Variants in RFX3 observed in about 807,000 individuals in gnomAD.
The protein encoded by RFX3 is regulatory factor X3.
A neutral mutation model predicts 98.6 loss-of-function variants in RFX3; 14 were observed. That is an observed-to-expected ratio of 0.14 (90% CI 0.09 to 0.22). The LOEUF (loss-of-function observed/expected upper bound fraction) is 0.22, where lower values mean the gene tolerates loss of function less well. Ranked by LOEUF, RFX3 falls within the 10% of genes least tolerant of loss-of-function variation. RFX3 has a pLI of 1.00. For missense variants in RFX3, 639 were observed against 926.9 expected (o/e 0.69, Z 4.03); for synonymous variants, 383 against 328.4 (o/e 1.17, Z -1.80).
chr9:3,377,837 A>T (rs1324002219), intron 2 of RFX3, among the ~76,000 whole-genome samples: 1 of 152,172 alleles, frequency 6.6e-6, no homozygotes, highest in Non-Finnish European at 1.5e-5. Flanking sequence ...AGTACACTTA[A>T]ATAGGTGGAT....
intron 8 of RFX3, among the ~76,000 whole-genome samples, chr9:3,276,849 C>A (rs1292639065): frequency 6.6e-6 from 1 of 151,982 alleles, no homozygotes; most frequent in South Asian, 2.1e-4. Flanking sequence ...CTTCCTAACT[C>A]TTTCAATAAC....
intron 2 of RFX3, among the ~76,000 whole-genome samples, chr9:3,380,600 C>G (rs1332049582): frequency 2.6e-5 from 4 of 152,140 alleles, no homozygotes; most frequent in East Asian, 1.9e-4. Flanking sequence ...CTCATTAGAT[C>G]AAATTCAAGT....
chr9:3,399,676 G>A (rs1841282204), intron 1 of RFX3, among the ~76,000 whole-genome samples: 1 of 151,976 alleles, frequency 6.6e-6, no homozygotes, highest in Non-Finnish European at 1.5e-5. Context: ...AGGGGGCCGG[G>A]GGCAGTGGCT....
chr9:3,421,279 A>G (rs951633233), intron 1 of RFX3, among the ~76,000 whole-genome samples: 2 of 152,218 alleles, frequency 1.3e-5, no homozygotes, highest in Non-Finnish European at 2.9e-5. Flanking sequence ...GGTCAAAACC[A>G]AGTGGAGAAA....
rs1817564360 is a variant in RFX3, at chr9:3,224,548, TATGGTTCTGTCCA to T, written c.*481_*493del. 1 of 158,450 alleles carries T rather than the reference TATGGTTCTGTCCA, an allele frequency of 6.3e-6. No homozygotes were observed. Among genetic ancestry groups the T allele is most frequent in the Admixed American group, 6.0e-5 (1 of 16,580 alleles). 9.8% of individuals were successfully genotyped at this position (158,450 alleles called of 1,614,324 possible). A position where few individuals can be genotyped will look rare whatever the true frequency, so the allele number is the denominator to read the frequency against. On this transcript the variant is annotated 3_prime_UTR_variant, in exon 17 of 17. Coordinates refer to ENST00000617270, the MANE Select transcript of RFX3 (RefSeq NM_001282116.2). ...TCAAAATGTTATCAAAATAGTGTCT[TATGGTTCTGTCCA>T]ATGAAAAGCACCTTTCAAAAGCAAA...
intron 1 of RFX3, among the ~76,000 whole-genome samples, chr9:3,425,092 G>A (rs1843882211): frequency 6.6e-6 from 1 of 152,086 alleles, no homozygotes; most frequent in South Asian, 2.1e-4. Context: ...TTAAAACTTA[G>A]CCAGGCATGG....
chr9:3,294,030 A>C (rs1223404410), intron 5 of RFX3, among the ~76,000 whole-genome samples: 1 of 152,206 alleles, frequency 6.6e-6, no homozygotes, highest in Admixed American at 6.5e-5. Flanking sequence ...GTTTTATGTT[A>C]TCCTGTGTAC....
chr9:3,456,929 A>T (rs894642684), intron 1 of RFX3, among the ~76,000 whole-genome samples: 9 of 151,972 alleles, frequency 5.9e-5, no homozygotes, highest in African/African-American at 2.2e-4. Context: ...CGGGTGGATC[A>T]TGAGGTCAAG....
intron 1 of RFX3, among the ~76,000 whole-genome samples, chr9:3,476,913 C>T (rs889202790): frequency 6.6e-6 from 1 of 152,114 alleles, no homozygotes; most frequent in Non-Finnish European, 1.5e-5. Flanking sequence ...ACTTAAATGA[C>T]CTTGGGCAAG....
chr9:3,223,517 T>C lies in RFX3; in HGVS notation c.*1525A>G, dbSNP rs972324911. On this transcript the variant is annotated 3_prime_UTR_variant, in exon 17 of 17. Transcript: ENST00000617270. ...ATGGTCTAAAACATATATGATTTTATGTTAACAAGTTGGTATTAAAACTAG... is the reference window on the plus strand; with the variant it reads ...ATGGTCTAAAACATATATGATTTTACGTTAACAAGTTGGTATTAAAACTAG... The C allele has an allele frequency of 6.6e-6, 1 of 152,230 alleles. No homozygotes were observed. The highest frequency in any genetic ancestry group is 2.4e-5 in the African/African-American group (1 of 41,458). 9.4% of individuals were successfully genotyped at this position (152,230 alleles called of 1,614,324 possible).
intron 12 of RFX3, among the ~76,000 whole-genome samples, chr9:3,264,097 G>A (rs1823295580): frequency 6.6e-6 from 1 of 151,850 alleles, no homozygotes; most frequent in Admixed American, 6.6e-5. Flanking sequence ...CATACCTTTG[G>A]AAATAAACTC....
chr9:3,289,793 T>C (rs1586898038), intron 6 of RFX3, among the ~76,000 whole-genome samples: 1 of 152,100 alleles, frequency 6.6e-6, no homozygotes, highest in Admixed American at 6.6e-5. Flanking sequence ...ACCTTTTTAT[T>C]TGCCTTTGTT....
At chr9:3,347,543 G>A (rs1563964543) in intron 2 of RFX3, among the ~76,000 whole-genome samples, 1 of 151,950 alleles carries the variant, frequency 6.6e-6, no homozygotes, top group South Asian at 2.1e-4. Context: ...ATTCCAGAAG[G>A]CCGGGTGCGG....
intron 1 of RFX3, among the ~76,000 whole-genome samples, chr9:3,465,786 G>A (rs1049565313): frequency 7.2e-5 from 11 of 151,904 alleles, no homozygotes; most frequent in African/African-American, 2.7e-4. Context: ...AGCAGTGAGT[G>A]GTAAAGATAG....
In RFX3 at chr9:3,219,066, C is replaced by T. The variant is rs112970758; in HGVS notation, c.*5976G>A. On this transcript the variant is annotated 3_prime_UTR_variant, in exon 17 of 17. Transcript: ENST00000617270. ...CACAAATTTCCAAGTTTTCTCAAGG[C>T]ACTCACTTAAAGTTTCTGTAACCAA... 6.6e-6 allele frequency: 1 copy of T among 152,102 alleles called. No homozygotes were observed. Among genetic ancestry groups the T allele is most frequent in the African/African-American group, 2.4e-5 (1 of 41,426 alleles). 9.4% of individuals were successfully genotyped at this position (152,102 alleles called of 1,614,324 possible). A position where few individuals can be genotyped will look rare whatever the true frequency, so the allele number is the denominator to read the frequency against.
chr9:3,345,904 G>A (rs1458229708), intron 3 of RFX3, among the ~76,000 whole-genome samples: 2 of 152,166 alleles, frequency 1.3e-5, no homozygotes, highest in Non-Finnish European at 2.9e-5. Flanking sequence ...GACAGCAGAG[G>A]TTATCATCCT....
At chr9:3,428,268 A>G (rs567221498) in intron 1 of RFX3, among the ~76,000 whole-genome samples, 38 of 151,964 alleles carry the variant, frequency 2.5e-4, no homozygotes, top group Admixed American at 4.6e-4. Context: ...TTCAATTTCT[A>G]TTTCTCCTCT....
In RFX3 at chr9:3,525,926, A is replaced by AAGAGAG. The variant is rs1189123449; in HGVS notation, c.-194_-189dup. ...AGGCAACGGTTGCTATAACTCACAA[A>AAGAGAG]AGAGAGAGAGAGAGGGAGAGAGAGA... On this transcript the variant is annotated 5_prime_UTR_variant, in exon 1 of 17. Coordinates refer to ENST00000617270, the MANE Select transcript of RFX3 (RefSeq NM_001282116.2). 12 of 957,610 alleles carry AAGAGAG rather than the reference A, an allele frequency of 1.3e-5. No homozygotes were observed. The highest frequency in any genetic ancestry group is 1.5e-5 in the Non-Finnish European group (12 of 807,870). 59.3% of individuals were successfully genotyped at this position (957,610 alleles called of 1,614,324 possible).
chr9:3,395,390 A>C (rs1485393981), intron 2 of RFX3, 82 bp downstream of exon 2: 5 of 1,506,794 alleles, frequency 3.3e-6, no homozygotes, highest in Non-Finnish European at 4.6e-6. Context: ...AGTAAAGTTC[A>C]AATAATTTTT....
Sources: gnomAD v4.1 joint callset for allele counts (sites outside exome capture counted in the v4.1 genomes callset) on GRCh38, gnomAD v4.1.1 for gene constraint, MANE v1.5 for transcripts, NCBI Gene and HGNC (gene_info 2026-07-23, HGNC 2026-07-21) for gene names.